PLXNA4: variants seen among roughly 807,000 people sequenced by gnomAD.
The protein encoded by PLXNA4 is plexin-A4.
PLXNA4 carries 44 observed loss-of-function variants against 191.8 expected under a neutral mutation model. That is an observed-to-expected ratio of 0.23 (90% CI 0.18 to 0.29). The LOEUF (loss-of-function observed/expected upper bound fraction) is 0.29. Among genes scored for constraint, PLXNA4 ranks in the 10% least tolerant of loss-of-function variants. The probability of loss-of-function intolerance (pLI) is 1.00; values close to 1 mark genes in which losing one functional copy is unlikely to be tolerated. For missense variants in PLXNA4, 1,800 were observed against 2,488.8 expected, an observed-to-expected ratio of 0.72 and a Z score of 5.89; for synonymous variants, 1,082 against 1,009.5, an observed-to-expected ratio of 1.07 and a Z score of -1.36.
chr7:132,280,676 C>G (rs1800447691), intron 4 of PLXNA4, among the ~76,000 whole-genome samples: 1 of 152,178 alleles, frequency 6.6e-6, no homozygotes, highest in Non-Finnish European at 1.5e-5. Flanking sequence ...TGACCACACC[C>G]ACTTTACCCA....
Position 132,440,059 on chromosome 7 carries a change from A to C in PLXNA4, c.1371+49233T>G, listed in dbSNP as rs546170614. Among the ~76,000 whole-genome samples the C allele has an allele frequency of 6.6e-5, 10 of 152,204 alleles. 1 individual carries two copies. The South Asian group carries it at 1.9e-3, about 28-fold the overall frequency. On this transcript the variant is annotated intron_variant, in intron 3 of 31. Coordinates refer to ENST00000321063, the MANE Select transcript of PLXNA4 (RefSeq NM_020911.2). ...TGGGCTTGTGCCATGCTGCCATAAA[A>C]CACAAATTTATCTTCATAATAGGGT...
chr7:132,194,295 T>G, intron 13 of PLXNA4, 116 bp from the exon 14 acceptor site: 1 of 1,445,374 alleles, frequency 6.9e-7, no homozygotes, highest in Non-Finnish European at 9.3e-7. Flanking sequence ...GATGGCCAGG[T>G]AGGGGAGGAA....
chr7:132,511,493 G>A (rs1470640367), intron 1 of PLXNA4, among the ~76,000 whole-genome samples: 4 of 152,126 alleles, frequency 2.6e-5, no homozygotes, highest in African/African-American at 9.7e-5. Context: ...TCACCTACCA[G>A]TATCATGAGA....
intron 2 of PLXNA4, among the ~76,000 whole-genome samples, chr7:132,502,869 C>T (rs533248076): frequency 2.1e-4 from 32 of 152,244 alleles, no homozygotes; most frequent in Admixed American, 5.2e-4. Context: ...TCCAGACAGC[C>T]GGGAGGTCTC....
intron 3 of PLXNA4, among the ~76,000 whole-genome samples, chr7:132,476,351 G>T (rs762647755): frequency 8.5e-5 from 13 of 152,170 alleles, no homozygotes; most frequent in African/African-American, 2.4e-5. Flanking sequence ...GATGACTGAT[G>T]CTTCCCCAGG....
At chr7:132,397,785 A>G (rs1793824357) in intron 3 of PLXNA4, among the ~76,000 whole-genome samples, 1 of 152,224 alleles carries the variant, frequency 6.6e-6, no homozygotes, top group Non-Finnish European at 1.5e-5. Context: ...TTTAATATGT[A>G]TTTCAGGTTG....
chr7:132,243,793 A>C (rs1415132778), intron 4 of PLXNA4, among the ~76,000 whole-genome samples: 1 of 151,704 alleles, frequency 6.6e-6, no homozygotes, highest in Middle Eastern at 3.4e-3. Flanking sequence ...TAATATCCCA[A>C]TCCTCCTTGT....
intron 3 of PLXNA4, among the ~76,000 whole-genome samples, chr7:132,473,967 A>G (rs929608502): frequency 2.0e-5 from 3 of 152,238 alleles, no homozygotes; most frequent in African/African-American, 7.2e-5. Context: ...AGAAAGTTCA[A>G]CAAGCAACTT....
At chr7:132,394,850 G>T (rs934480311) in intron 3 of PLXNA4, among the ~76,000 whole-genome samples, 1 of 152,080 alleles carries the variant, frequency 6.6e-6, no homozygotes, top group African/African-American at 2.4e-5. Context: ...CCTTCCTCCC[G>T]CACTAAAAAA....
chr7:132,480,968 C>T (rs1797310134), intron 3 of PLXNA4, among the ~76,000 whole-genome samples: 1 of 152,142 alleles, frequency 6.6e-6, no homozygotes, highest in Admixed American at 6.5e-5. Flanking sequence ...AATGGCTGAG[C>T]CAGGGACCTG....
chr7:132,626,439 G>A (rs1343934932), intron 2 of PLXNA4, among the ~76,000 whole-genome samples: 1 of 152,184 alleles, frequency 6.6e-6, no homozygotes, highest in Non-Finnish European at 1.5e-5. Context: ...GGTTGGGCCT[G>A]GTGGGAGGTG....
In PLXNA4 at chr7:132,127,717, A is replaced by AAGTC. The variant is rs966807303; in HGVS notation, c.*2758_*2761dup. The AAGTC allele has an allele frequency of 2.0e-5, 3 of 152,128 alleles. No individual in the cohort carries two copies. Among genetic ancestry groups the AAGTC allele is most frequent in the African/African-American group, 7.2e-5 (3 of 41,420 alleles). 9.4% of individuals were successfully genotyped at this position (152,128 alleles called of 1,614,324 possible). ...GCAGAAACAACCCACCCACCAATTA[A>AAGTC]AGTCAAACCAGCCCCAAACCCCTCC... On this transcript the variant is annotated 3_prime_UTR_variant, in exon 32 of 32. Transcript: ENST00000321063.
At chr7:132,613,730 C>T (rs1328926256) in intron 2 of PLXNA4, among the ~76,000 whole-genome samples, 3 of 151,938 alleles carry the variant, frequency 2.0e-5, no homozygotes, top group Non-Finnish European at 4.4e-5. Flanking sequence ...GCTATCTATA[C>T]CTGAAATAAA....
chr7:132,310,600 C>G (rs1040425834), intron 3 of PLXNA4, among the ~76,000 whole-genome samples: 7 of 152,176 alleles, frequency 4.6e-5, no homozygotes, highest in African/African-American at 1.7e-4. Context: ...CAGCAGCCAG[C>G]CCTATATGGC....
At chr7:132,240,132 T>A (rs1201812391) in intron 5 of PLXNA4, among the ~76,000 whole-genome samples, 1 of 152,122 alleles carries the variant, frequency 6.6e-6, no homozygotes, top group Non-Finnish European at 1.5e-5. Context: ...AAGACTAAGG[T>A]TTTTCTTCTT....
At chr7:132,258,454 G>A (rs771627790) in intron 4 of PLXNA4, among the ~76,000 whole-genome samples, 1 of 152,250 alleles carries the variant, frequency 6.6e-6, no homozygotes, top group Non-Finnish European at 1.5e-5. Context: ...GGCAGTGGCT[G>A]CTGCAGGCTT....
chr7:132,132,410 C>CTGTTCTGTTCTGTTCTGTTCTGTTCTGT (rs1794962073), intron 31 of PLXNA4, among the ~76,000 whole-genome samples: 23 of 39,196 alleles, frequency 5.9e-4, no homozygotes, highest in African/African-American at 2.4e-3. Flanking sequence ...CTGTTCTGTT[C>CTGTTCTGTTCTGTTCTGTTCTGTTCTGT]TGTTCTGTTC....
At chr7:132,211,698 C>A (rs1236038578) in intron 9 of PLXNA4, among the ~76,000 whole-genome samples, 1 of 152,202 alleles carries the variant, frequency 6.6e-6, no homozygotes, top group Non-Finnish European at 1.5e-5. Flanking sequence ...GCCCCAGAGG[C>A]CTCATAAATC....
chr7:132,272,752 A>G (rs1275569321), intron 4 of PLXNA4, among the ~76,000 whole-genome samples: 1 of 152,128 alleles, frequency 6.6e-6, no homozygotes, highest in South Asian at 2.1e-4. Context: ...AAAGTTTCCT[A>G]TGACTTTGTA....
Sources: allele counts gnomAD v4.1 joint callset (sites outside exome capture counted in the v4.1 genomes callset), GRCh38; gene constraint gnomAD v4.1.1; transcripts MANE v1.5; gene names NCBI Gene and HGNC (gene_info 2026-07-23, HGNC 2026-07-21).